MALRD1: variants seen among roughly 807,000 people sequenced by gnomAD.
MALRD1 encodes MAM and LDL-receptor class A domain-containing protein 1.
Under a neutral mutation model 242.1 loss-of-function variants are expected in MALRD1, and 247 were observed. The ratio of observed to expected loss-of-function variants is 1.02; its 90% CI spans 0.92 to 1.13. The LOEUF is 1.13. Ranked by LOEUF, MALRD1 falls within the 50% of genes most tolerant of loss-of-function variation. The pLI is 0.00. For synonymous variants in MALRD1, 995 were observed against 866.6 expected, an observed-to-expected ratio of 1.15 and a Z score of -2.60; for missense variants, 2,989 against 2,533.1, an observed-to-expected ratio of 1.18 and a Z score of -3.86.
At chr10:19,171,403 G>T (rs1834916323) in intron 13 of MALRD1, among the ~76,000 whole-genome samples, 2 of 136,018 alleles carry the variant, frequency 1.5e-5, no homozygotes, top group Non-Finnish European at 1.5e-5. Context: ...AAAGGGAATT[G>T]GTCACAACAT....
intron 19 of MALRD1, among the ~76,000 whole-genome samples, chr10:19,262,422 G>A (rs2131822198): frequency 6.6e-6 from 1 of 152,096 alleles, no homozygotes; most frequent in Non-Finnish European, 1.5e-5. Flanking sequence ...TTGGGAAGCT[G>A]AGGTGGGCAG....
intron 28 of MALRD1, among the ~76,000 whole-genome samples, chr10:19,404,727 C>G (rs1406319787): frequency 6.6e-6 from 1 of 152,060 alleles, no homozygotes; most frequent in Non-Finnish European, 1.5e-5. Flanking sequence ...CTGCACATTA[C>G]TTAAAATTCT....
intron 36 of MALRD1, among the ~76,000 whole-genome samples, chr10:19,663,563 C>A (rs1274994658): frequency 6.6e-6 from 1 of 151,974 alleles, no homozygotes; most frequent in Non-Finnish European, 1.5e-5. Context: ...AGTGCAGAAT[C>A]AATTAGTGGT....
intron 26 of MALRD1, among the ~76,000 whole-genome samples, chr10:19,369,909 T>G (rs528784716): frequency 2.8e-4 from 42 of 152,192 alleles, no homozygotes; most frequent in Non-Finnish European, 4.4e-5. Context: ...ATGTTTAGTT[T>G]TGATGACATA....
intron 36 of MALRD1, among the ~76,000 whole-genome samples, chr10:19,687,613 C>T (rs1409691040): frequency 6.6e-6 from 1 of 152,170 alleles, no homozygotes; most frequent in Non-Finnish European, 1.5e-5. Flanking sequence ...TAAAAATACC[C>T]AACACACCAC....
chr10:19,116,442 C>A (rs1836872220), intron 5 of MALRD1, among the ~76,000 whole-genome samples: 1 of 152,114 alleles, frequency 6.6e-6, no homozygotes, highest in Non-Finnish European at 1.5e-5. Flanking sequence ...TTCCAGTTTT[C>A]TTTTAAGAGA....
At chr10:19,532,850 AATT>A (rs1834485800) in intron 32 of MALRD1, among the ~76,000 whole-genome samples, 1 of 152,192 alleles carries the variant, frequency 6.6e-6, no homozygotes, top group Admixed American at 6.5e-5. Flanking sequence ...AAAAATTTTA[AATT>A]ATTTTTCATA....
chr10:19,274,710 A>T (rs1277189627), intron 19 of MALRD1, among the ~76,000 whole-genome samples: 1 of 152,194 alleles, frequency 6.6e-6, no homozygotes, highest in African/African-American at 2.4e-5. Flanking sequence ...ATGCTAAGCT[A>T]AATAAGCCAG....
At chr10:19,165,553 G>A (rs1360242567) in intron 12 of MALRD1, 84 bp from the exon 13 acceptor site, 5 of 1,070,764 alleles carry the variant, frequency 4.7e-6, no homozygotes, top group Non-Finnish European at 5.9e-6. Context: ...ATCACCTGAG[G>A]TCAGGAATAT....
At position 19,109,674 on chromosome 10, in the gene MALRD1, C is replaced by T. The variant is rs188035444; in HGVS notation, c.694+5599C>T. On this transcript the variant is annotated intron_variant, in intron 5 of 39. Transcript: ENST00000454679. ...TACCAAGTGGGAGCACAGTGTAGTGCCAGCAGATCCTCATGGATGGGGAGA... is the reference window on the plus strand; with the variant it reads ...TACCAAGTGGGAGCACAGTGTAGTGTCAGCAGATCCTCATGGATGGGGAGA... 5.2e-3 allele frequency among the ~76,000 whole-genome samples: 789 copies of T among 152,312 alleles called. 3 individuals are homozygous for T. Among genetic ancestry groups the T allele is most frequent in the Non-Finnish European group, 8.6e-3 (587 of 68,022 alleles).
intron 12 of MALRD1, among the ~76,000 whole-genome samples, chr10:19,160,379 G>A (rs1041623169): frequency 8.3e-6 from 1 of 120,914 alleles, no homozygotes; most frequent in East Asian, 2.4e-4. Context: ...TTTTATTGAG[G>A]ATTTTTGCAT....
intron 36 of MALRD1, among the ~76,000 whole-genome samples, chr10:19,674,863 T>G (rs1299581448): frequency 1.3e-5 from 2 of 152,074 alleles, no homozygotes; most frequent in Non-Finnish European, 2.9e-5. Flanking sequence ...TTCTTCCTTT[T>G]TTTTTTCTAT....
At chr10:19,445,861 G>T (rs11009973) in intron 28 of MALRD1, among the ~76,000 whole-genome samples, 40,484 of 152,126 alleles carry the variant, frequency 0.27, 6,030 homozygotes, top group East Asian at 0.45. Flanking sequence ...AAAAGTTTCT[G>T]CTGCCTTTTG....
chr10:19,134,798 A>G (rs1278694541), intron 9 of MALRD1, among the ~76,000 whole-genome samples: 1 of 152,194 alleles, frequency 6.6e-6, no homozygotes, highest in Non-Finnish European at 1.5e-5. Context: ...AGTAAAATGT[A>G]AAGAAAATGA....
At chr10:19,707,504 A>C (rs1009058935) in intron 38 of MALRD1, among the ~76,000 whole-genome samples, 4 of 152,204 alleles carry the variant, frequency 2.6e-5, no homozygotes, top group African/African-American at 9.6e-5. Flanking sequence ...AATAGATTTT[A>C]AAAGATTGAG....
At chr10:19,277,837 T>C (rs879573528) in intron 19 of MALRD1, among the ~76,000 whole-genome samples, 2 of 152,226 alleles carry the variant, frequency 1.3e-5, no homozygotes, top group African/African-American at 2.4e-5. Flanking sequence ...CTCCAGATAC[T>C]GGACATTTAA....
At chr10:19,162,971 TAAAAAGTTAAAAAA>T (rs1191489522) in intron 12 of MALRD1, among the ~76,000 whole-genome samples, 14 of 150,644 alleles carry the variant, frequency 9.3e-5, no homozygotes, top group Admixed American at 4.0e-4. Context: ...TCATCTCTAC[TAAAAAGTTAAAAAA>T]AAATTAGCTG....
intron 26 of MALRD1, among the ~76,000 whole-genome samples, chr10:19,366,961 G>A (rs1845136648): frequency 1.3e-5 from 2 of 152,010 alleles, no homozygotes; most frequent in Non-Finnish European, 2.9e-5. Flanking sequence ...CTTGCATTGT[G>A]CTTCCAATTT....
intron 38 of MALRD1, among the ~76,000 whole-genome samples, chr10:19,693,639 G>A (rs1427833594): frequency 6.6e-6 from 1 of 152,142 alleles, no homozygotes; most frequent in Non-Finnish European, 1.5e-5. Flanking sequence ...TTGTGAAAAT[G>A]GCCATGCTGC....
Sources: gnomAD v4.1 joint callset for allele counts (sites outside exome capture counted in the v4.1 genomes callset) on GRCh38, gnomAD v4.1.1 for gene constraint, MANE v1.5 for transcripts, NCBI Gene and HGNC (gene_info 2026-07-23, HGNC 2026-07-21) for gene names.